DNAH10: variants seen among roughly 807,000 people sequenced by gnomAD.
DNAH10 encodes axonemal beta dynein heavy chain 10.
In DNAH10, 348 loss-of-function variants were observed where a neutral mutation model predicts 506.6. The observed-to-expected ratio is 0.69, with a 90% CI of 0.63 to 0.75. The LOEUF (loss-of-function observed/expected upper bound fraction) is 0.75, where lower values mean the gene tolerates loss of function less well. Among genes scored for constraint, DNAH10 ranks in the 30% least tolerant of loss-of-function variants. DNAH10 has a pLI of 0.00. For missense variants in DNAH10, 5,179 were observed against 5,787.1 expected (o/e 0.89, Z 3.41); for synonymous variants, 2,059 against 2,198.6 (o/e 0.94, Z 1.78).
Position 123,845,786 on chromosome 12 carries a change from C to A in DNAH10, c.5547C>A (p.Ser1849Arg), listed in dbSNP as rs1225434366. 20 of 1,613,038 alleles carry A rather than the reference C, an allele frequency of 1.2e-5. No individual in the cohort carries two copies. The Middle Eastern group carries it at 5.0e-4, about 40-fold the overall frequency. Residue 1849 changes from serine to arginine, a missense_variant, in exon 31 of 79, where the codon AGC becomes AGA. This residue lies in a region of DNAH10 where 4,844 missense variants were observed against 5,430.5 expected (regional missense o/e 0.89). Transcript: ENST00000673944. Reference sequence around the variant, plus strand: ...TAACGCGCATCACCATGCCGCTAAGCAAAAACGACAGGAAAAAATACAACA... The same window carrying A: ...TAACGCGCATCACCATGCCGCTAAGAAAAAACGACAGGAAAAAATACAACA... ...ELVTRITMPL[S>R]KNDRKKYNTV...
chr12:123,764,088 A>G (rs1405245023), intron 1 of DNAH10, among the ~76,000 whole-genome samples: 1 of 149,354 alleles, frequency 6.7e-6, no homozygotes, highest in Non-Finnish European at 1.5e-5. Flanking sequence ...CTGCTCTTGA[A>G]CTCCTGACCT....
chr12:123,903,965 T>C lies in DNAH10; in HGVS notation c.9815+852T>C, dbSNP rs1191624315. Among the ~76,000 whole-genome samples the C allele has an allele frequency of 6.6e-6, 1 of 152,202 alleles. No homozygotes were observed. On this transcript the variant is annotated intron_variant, in intron 57 of 78. Transcript: ENST00000673944. The surrounding 1 kb of genome is among the most constrained non-coding windows in gnomAD (Gnocchi z 4.6). ...AGAGGCTCCGTTCCTGGGTCAGTAATGGGCTTCCATTCTGGGCTCCCGCTG... is the reference window on the plus strand; with the variant it reads ...AGAGGCTCCGTTCCTGGGTCAGTAACGGGCTTCCATTCTGGGCTCCCGCTG...
intron 19 of DNAH10, among the ~76,000 whole-genome samples, chr12:123,810,523 T>C (rs989134142): frequency 6.6e-6 from 1 of 151,944 alleles, no homozygotes; most frequent in Non-Finnish European, 1.5e-5. Flanking sequence ...CTACTAAAAA[T>C]ACACACACAT....
At chr12:123,887,946 G>A (rs1216256974) in intron 52 of DNAH10, among the ~76,000 whole-genome samples, 8 of 152,020 alleles carry the variant, frequency 5.3e-5, no homozygotes, top group Non-Finnish European at 7.4e-5. Flanking sequence ...GGGTTTCACC[G>A]TGTTAGCCAA....
Position 123,859,613 on chromosome 12 carries a change from A to T in DNAH10, c.6749+345A>T, listed in dbSNP as rs566980359. 4.6e-5 allele frequency among the ~76,000 whole-genome samples: 7 copies of T among 152,308 alleles called. No homozygotes were observed. In the South Asian group the frequency reaches 1.4e-3, roughly 32 times the overall value. ...CTTAAAGTAAGTCAGGATTCACCTT[A>T]TGCAGTACTGCTGTGGTTTCGCAGT... On this transcript the variant is annotated intron_variant, in intron 38 of 78. Transcript: ENST00000673944.
intron 39 of DNAH10, among the ~76,000 whole-genome samples, chr12:123,864,293 A>G (rs1951719372): frequency 6.6e-6 from 1 of 151,682 alleles, no homozygotes; most frequent in Non-Finnish European, 1.5e-5. Flanking sequence ...TTACAGGCAC[A>G]CACCACTATG....
chr12:123,791,201 C>T (rs893898637), intron 11 of DNAH10, among the ~76,000 whole-genome samples: 12 of 152,078 alleles, frequency 7.9e-5, no homozygotes, highest in African/African-American at 2.9e-4. Context: ...TTTCTGGCTA[C>T]AGTATAGGCT....
chr12:123,879,387 A>G, intron 49 of DNAH10, 30 bp downstream of exon 49: 2 of 1,546,022 alleles, frequency 1.3e-6, no homozygotes, highest in Non-Finnish European at 8.7e-7. Flanking sequence ...CTTCTCAGGA[A>G]ATTCTTCTCA....
In DNAH10 at chr12:123,842,719, A is replaced by T. The variant is rs541881205; in HGVS notation, c.5360+1174A>T. Among the ~76,000 whole-genome samples, 4 of 152,320 alleles carry T rather than the reference A, an allele frequency of 2.6e-5. No individual in the cohort carries two copies. The South Asian group carries it at 6.2e-4, about 24-fold the overall frequency. On this transcript the variant is annotated intron_variant, in intron 30 of 78. Transcript: ENST00000673944. ...TGGTAAAACTGGATGTCTGGAAAAA[A>T]TTTTTTTAAAGCTTTGATTTAAAGC...
rs530740766 is a variant in DNAH10 at position 123,919,484 on chromosome 12, G to A, written c.11506+535G>A. ...GACACAATTTACATACCATAAATTC[G>A]TCCTTTAAAAATATACCATTCGGTG... On this transcript the variant is annotated intron_variant, in intron 65 of 78. Coordinates refer to ENST00000673944, the MANE Select transcript of DNAH10 (RefSeq NM_001372106.1). This position sits in a 1 kb window ranked among gnomAD's most constrained non-coding sequence, Gnocchi z 4.9. Among the ~76,000 whole-genome samples the A allele has an allele frequency of 7.0e-4, 107 of 152,218 alleles. No homozygotes were observed. The highest frequency in any genetic ancestry group is 2.3e-3 in the African/African-American group (96 of 41,520).
intron 57 of DNAH10, chr12:123,908,666 C>T (rs565220671): frequency 2.4e-5 from 10 of 422,430 alleles, no homozygotes; most frequent in Non-Finnish European, 4.3e-5. Flanking sequence ...TGGACATCTG[C>T]GTTCTGGAGG....
chr12:123,873,794 T>C (rs1952131141), intron 46 of DNAH10, 84 bp downstream of exon 46: 1 of 1,459,628 alleles, frequency 6.9e-7, no homozygotes, highest in African/African-American at 1.4e-5. Flanking sequence ...TAGAAGTGAG[T>C]ATGAGAACAT....
In DNAH10 at chr12:123,784,050, A is replaced by C; in HGVS notation, c.1103A>C (p.Asp368Ala). 1 of 1,614,224 alleles carries C rather than the reference A, an allele frequency of 6.2e-7. No individual in the cohort carries two copies. Among genetic ancestry groups the C allele is most frequent in the Non-Finnish European group, 8.5e-7 (1 of 1,180,036 alleles). The change falls in exon 8 of 79, where the codon GAT becomes GCT. Residue 368 changes from aspartate to alanine, a missense_variant. This residue lies in a region of DNAH10 where 4,844 missense variants were observed against 5,430.5 expected (regional missense o/e 0.89). Coordinates refer to ENST00000673944, the MANE Select transcript of DNAH10 (RefSeq NM_001372106.1). ...CTTCCAATAGTCAGAAAAGTCTTGGATGTGATCAAGGAATCCGACTCCATG... is the reference window on the plus strand; with the variant it reads ...CTTCCAATAGTCAGAAAAGTCTTGGCTGTGATCAAGGAATCCGACTCCATG... Reference protein sequence around the residue: ...TKLPIVRKVLDVIKESDSMLV... With the variant: ...TKLPIVRKVLAVIKESDSMLV...
intron 52 of DNAH10, among the ~76,000 whole-genome samples, chr12:123,891,268 A>G (rs1952970181): frequency 1.3e-5 from 2 of 152,046 alleles, no homozygotes; most frequent in Non-Finnish European, 2.9e-5. Context: ...TACCTGTCAT[A>G]TTGCATTAGG....
rs370328434 is a variant in DNAH10, at chr12:123,907,972, G to A, written c.9816-1289G>A. On this transcript the variant is annotated intron_variant, in intron 57 of 78. Transcript: ENST00000673944. This position sits in a 1 kb window ranked among gnomAD's most constrained non-coding sequence, Gnocchi z 4.4. ...TACACTATGGGGCCTTCTCTCCTCT[G>A]CTGTCTGTGTGGGAGTGTGTGAGGG... 1.3e-5 allele frequency among the ~76,000 whole-genome samples: 2 copies of A among 152,128 alleles called. No individual in the cohort carries two copies. The highest frequency in any genetic ancestry group is 4.8e-5 in the African/African-American group (2 of 41,416).
intron 49 of DNAH10, 130 bp from the exon 50 acceptor site, chr12:123,879,504 G>T (rs138048439): frequency 1.4e-6 from 2 of 1,474,708 alleles, no homozygotes; most frequent in South Asian, 1.3e-5. Flanking sequence ...GTTATTAAGC[G>T]TCTTGCAGCA....
chr12:123,797,072 C>T (rs145066435), intron 13 of DNAH10, among the ~76,000 whole-genome samples: 134 of 152,248 alleles, frequency 8.8e-4, no homozygotes, highest in African/African-American at 3.0e-3. Flanking sequence ...GGGATTTTAC[C>T]GTGTTAGCCA....
chr12:123,767,603 A>G lies in DNAH10; in HGVS notation c.215-3A>G. ...TTTTCTTCCCATTTATGTGGCCATA[A>G]AGATGAGATACCTGTCCTGTCTGAA... On this transcript the variant is annotated splice_region_variant and splice_polypyrimidine_tract_variant and intron_variant, in intron 1 of 78. Transcript: ENST00000673944. 4 of 1,611,508 alleles carry G rather than the reference A, an allele frequency of 2.5e-6. No homozygotes were observed. Among genetic ancestry groups the G allele is most frequent in the Non-Finnish European group, 3.4e-6 (4 of 1,178,588 alleles).
In DNAH10 at chr12:123,861,153, A is replaced by G; in HGVS notation, c.6891A>G (p.Thr2297=). ...TCTTCAGGGAAATCAACAAGCCAAC[A>G]GACAAGAAGGAGCGAAAGTGAGTAT... is the stretch of plus-strand genomic sequence containing the variant. ...SNIFREINKP[T]DKKERKYILF... The change falls in exon 39 of 79, where the codon ACA becomes ACG. Residue 2297 remains threonine (T), a synonymous_variant. Transcript: ENST00000673944. 1 of 1,614,022 alleles carries G rather than the reference A, an allele frequency of 6.2e-7. No homozygotes were observed. Among genetic ancestry groups the G allele is most frequent in the Non-Finnish European group, 8.5e-7 (1 of 1,179,894 alleles).
Sources: allele counts gnomAD v4.1 joint callset (sites outside exome capture counted in the v4.1 genomes callset), GRCh38; gene constraint gnomAD v4.1.1; regional missense constraint gnomAD v4.1.1; non-coding constraint Gnocchi (gnomAD v3.1); transcripts MANE v1.5; gene names NCBI Gene and HGNC (gene_info 2026-07-23, HGNC 2026-07-21).